Variants in ITGB6 observed in about 807,000 individuals in gnomAD.
ITGB6 encodes the protein integrin beta-6.
In ITGB6, 80 loss-of-function variants were observed where a neutral mutation model predicts 84.5. The ratio of observed to expected loss-of-function variants is 0.95; its 90% CI spans 0.79 to 1.14. The LOEUF (loss-of-function observed/expected upper bound fraction) is 1.14. Among genes scored for constraint, ITGB6 ranks in the 50% most tolerant of loss-of-function variants. The pLI is 0.00. For synonymous variants in ITGB6, 383 were observed against 354.9 expected (o/e 1.08, Z -0.89); for missense variants, 1,006 against 968.0 (o/e 1.04, Z -0.52).
At chr2:160,113,495 T>C (rs1202334631) in intron 12 of ITGB6, among the ~76,000 whole-genome samples, 1 of 152,236 alleles carries the variant, frequency 6.6e-6, no homozygotes, top group African/African-American at 2.4e-5. Flanking sequence ...GGATGATAGA[T>C]TTAAGTGTAC....
chr2:160,172,489 A>G (rs1685245320), intron 6 of ITGB6, 80 bp downstream of exon 6: 2 of 1,304,128 alleles, frequency 1.5e-6, no homozygotes, highest in Non-Finnish European at 2.1e-6. Context: ...AGTGTATGTT[A>G]TTTCACATGT....
chr2:160,129,951 T>TAC lies in ITGB6; in HGVS notation c.1661-3352_1661-3351dup, dbSNP rs1295696904. Reference sequence around the variant, plus strand: ...GTATATATATATGTATATGTGTGTATACACACACACACAGTCATGTGTCTT... The same window carrying TAC: ...GTATATATATATGTATATGTGTGTATACACACACACACACAGTCATGTGTCTT... On this transcript the variant is annotated intron_variant, in intron 10 of 14. Coordinates refer to ENST00000283249, the MANE Select transcript of ITGB6 (RefSeq NM_000888.5). 4.6e-5 allele frequency among the ~76,000 whole-genome samples: 7 copies of TAC among 151,852 alleles called. No homozygotes were observed. The East Asian group carries it at 1.2e-3, about 25-fold the overall frequency.
intron 4 of ITGB6, among the ~76,000 whole-genome samples, chr2:160,191,888 A>G (rs1475101201): frequency 6.6e-6 from 1 of 152,172 alleles, no homozygotes; most frequent in African/African-American, 2.4e-5. Context: ...CGAAAATAAA[A>G]ATGTTAAACG....
At chr2:160,149,332 A>G (rs2105835631) in intron 7 of ITGB6, among the ~76,000 whole-genome samples, 1 of 152,344 alleles carries the variant, frequency 6.6e-6, no homozygotes. Context: ...GTGGAACTCC[A>G]GCAAACTCCA....
chr2:160,139,934 T>A (rs966159966), intron 8 of ITGB6, among the ~76,000 whole-genome samples: 2 of 152,184 alleles, frequency 1.3e-5, no homozygotes, highest in Non-Finnish European at 2.9e-5. Flanking sequence ...AAGGTTTTTT[T>A]AAAATATCAA....
intron 4 of ITGB6, among the ~76,000 whole-genome samples, chr2:160,179,942 A>C (rs992233036): frequency 4.5e-5 from 4 of 89,324 alleles, no homozygotes; most frequent in African/African-American, 2.1e-4. Flanking sequence ...TACTAAAAAT[A>C]CAAAAAAAAA....
chr2:160,180,111 C>T (rs1685602772), intron 4 of ITGB6, among the ~76,000 whole-genome samples: 1 of 139,024 alleles, frequency 7.2e-6, no homozygotes, highest in Non-Finnish European at 1.5e-5. Flanking sequence ...GAAACTCCAC[C>T]TCAAAAAAAA....
At chr2:160,102,846 CTG>C (rs1172939048) in intron 14 of ITGB6, among the ~76,000 whole-genome samples, 4 of 152,224 alleles carry the variant, frequency 2.6e-5, no homozygotes, top group African/African-American at 7.2e-5. Flanking sequence ...TGAAGACACT[CTG>C]AGCCTTGGTG....
intron 7 of ITGB6, 32 bp downstream of exon 7, chr2:160,169,180 T>A: frequency 7.8e-7 from 1 of 1,280,186 alleles, no homozygotes; most frequent in Non-Finnish European, 1.1e-6. Flanking sequence ...CATAATCTCC[T>A]TGAAGGAATT....
intron 7 of ITGB6, among the ~76,000 whole-genome samples, chr2:160,161,800 G>A (rs1574104199): frequency 6.6e-6 from 1 of 152,158 alleles, no homozygotes; most frequent in East Asian, 1.9e-4. Context: ...TGGTGGGAGA[G>A]TAACTGATAC....
chr2:160,182,736 C>T (rs1685732535), intron 4 of ITGB6, among the ~76,000 whole-genome samples: 1 of 152,094 alleles, frequency 6.6e-6, no homozygotes, highest in Non-Finnish European at 1.5e-5. Flanking sequence ...TAAGGGCAAC[C>T]AGAGAGAAAG....
intron 9 of ITGB6, 65 bp downstream of exon 9, chr2:160,138,000 T>C: frequency 6.5e-7 from 1 of 1,543,930 alleles, no homozygotes; most frequent in Non-Finnish European, 8.7e-7. Context: ...CCAGCTTCAG[T>C]GAGCTCAGCT....
intron 10 of ITGB6, among the ~76,000 whole-genome samples, chr2:160,133,869 C>A (rs1368601247): frequency 2.6e-5 from 4 of 152,010 alleles, no homozygotes; most frequent in Non-Finnish European, 4.4e-5. Flanking sequence ...AGAACAAAGA[C>A]ACAACATACC....
intron 12 of ITGB6, among the ~76,000 whole-genome samples, chr2:160,116,446 A>G (rs1417974939): frequency 6.6e-6 from 1 of 152,084 alleles, no homozygotes; most frequent in Non-Finnish European, 1.5e-5. Context: ...AAAATACTTT[A>G]CAGACAAGCA....
intron 7 of ITGB6, among the ~76,000 whole-genome samples, chr2:160,151,290 C>T (rs1684406622): frequency 6.6e-6 from 1 of 152,314 alleles, no homozygotes; most frequent in African/African-American, 2.4e-5. Flanking sequence ...GATTAAGAAA[C>T]TCACTAAAAA....
rs536429852 is a variant in ITGB6 at position 160,185,231 on chromosome 2, C to A, written c.593+10138G>T. Among the ~76,000 whole-genome samples the A allele has an allele frequency of 2.0e-5, 3 of 152,268 alleles. No homozygotes were observed. The East Asian group carries it at 5.8e-4, about 29-fold the overall frequency. On this transcript the variant is annotated intron_variant, in intron 4 of 14. Transcript: ENST00000283249. The stretch of plus-strand genomic sequence containing the variant: ...GACAAGATTGTATATTTAGAAAACC[C>A]CATCATCTTAGCCCAAAATCTCCTT...
chr2:160,166,029 A>G (rs1267827380), intron 7 of ITGB6, among the ~76,000 whole-genome samples: 1 of 152,234 alleles, frequency 6.6e-6, no homozygotes, highest in Admixed American at 6.5e-5. Context: ...TCTACTGAGA[A>G]TCTACTGTGT....
chr2:160,195,853 G>A (rs1686313880), intron 3 of ITGB6, among the ~76,000 whole-genome samples: 2 of 152,200 alleles, frequency 1.3e-5, no homozygotes, highest in South Asian at 2.1e-4. Context: ...GGGAGAACTA[G>A]CATCCATTTA....
intron 7 of ITGB6, among the ~76,000 whole-genome samples, chr2:160,143,156 C>A (rs1684063813): frequency 6.6e-6 from 1 of 152,032 alleles, no homozygotes; most frequent in Non-Finnish European, 1.5e-5. Context: ...GGTGTGGTGG[C>A]ACGCCTGTAG....
Sources: gnomAD v4.1 joint callset for allele counts (sites outside exome capture counted in the v4.1 genomes callset) on GRCh38, gnomAD v4.1.1 for gene constraint, MANE v1.5 for transcripts, NCBI Gene and HGNC (gene_info 2026-07-23, HGNC 2026-07-21) for gene names.